Variants in MAGI2 observed in about 807,000 individuals in gnomAD.
MAGI2 encodes the protein membrane-associated guanylate kinase, WW and PDZ domain-containing protein 2.
Under a neutral mutation model 133.3 loss-of-function variants are expected in MAGI2, and 35 were observed. The observed-to-expected ratio is 0.26, with a 90% CI of 0.20 to 0.35. The LOEUF (loss-of-function observed/expected upper bound fraction) is 0.35, where lower values mean the gene tolerates loss of function less well. Ranked by LOEUF, MAGI2 falls within the 10% of genes least tolerant of loss-of-function variation. The pLI, the probability that MAGI2 is intolerant of heterozygous loss-of-function variation, is 1.00. For missense variants in MAGI2, 1,636 were observed against 1,863.4 expected, an observed-to-expected ratio of 0.88 and a Z score of 2.25; for synonymous variants, 729 against 710.6, an observed-to-expected ratio of 1.03 and a Z score of -0.41.
intron 2 of MAGI2, among the ~76,000 whole-genome samples, chr7:78,678,005 A>C (rs1815239265): frequency 6.6e-6 from 1 of 152,112 alleles, no homozygotes; most frequent in Non-Finnish European, 1.5e-5. Flanking sequence ...AGAAAGGGGC[A>C]AAGGAAAAAT....
intron 1 of MAGI2, among the ~76,000 whole-genome samples, chr7:79,429,705 G>T (rs1192288263): frequency 6.6e-6 from 1 of 151,980 alleles, no homozygotes; most frequent in African/African-American, 2.4e-5. Flanking sequence ...TTAGAAGGAA[G>T]CAAAAAAGGT....
chr7:79,136,015 A>AAGAAAGAAAG (rs1562928891), intron 1 of MAGI2, among the ~76,000 whole-genome samples: 6 of 126,326 alleles, frequency 4.7e-5, no homozygotes, highest in African/African-American at 2.2e-4. Flanking sequence ...GAAAGAAAGA[A>AAGAAAGAAAG]AGAAAGAAAG....
chr7:78,517,487 T>C (rs1796140179), intron 4 of MAGI2, among the ~76,000 whole-genome samples: 1 of 152,196 alleles, frequency 6.6e-6, no homozygotes, highest in African/African-American at 2.4e-5. Context: ...TTTACTTTAG[T>C]TAAGGACTTT....
intron 9 of MAGI2, among the ~76,000 whole-genome samples, chr7:78,277,978 A>G (rs1176708712): frequency 6.6e-6 from 1 of 152,202 alleles, no homozygotes; most frequent in Non-Finnish European, 1.5e-5. Context: ...AATGTGATCC[A>G]AGATCAGAGT....
intron 1 of MAGI2, among the ~76,000 whole-genome samples, chr7:79,276,988 A>G: frequency 1.3e-5 from 2 of 151,872 alleles, no homozygotes; most frequent in Middle Eastern, 3.4e-3. Flanking sequence ...TAATATTAAT[A>G]AAATATATAA....
At chr7:78,898,636 C>G (rs556077224) in intron 2 of MAGI2, among the ~76,000 whole-genome samples, 98 of 152,156 alleles carry the variant, frequency 6.4e-4, no homozygotes, top group African/African-American at 2.3e-3. Flanking sequence ...GGGAACAACA[C>G]ACACTAGGGC....
At chr7:78,071,669 A>C (rs73362635) in intron 21 of MAGI2, among the ~76,000 whole-genome samples, 2,375 of 152,300 alleles carry the variant, frequency 0.016, 44 homozygotes, top group African/African-American at 0.054. Context: ...CCTTTCAGCT[A>C]GGAAGAACCC....
chr7:78,881,137 C>T (rs1026852314), intron 2 of MAGI2, among the ~76,000 whole-genome samples: 11 of 151,988 alleles, frequency 7.2e-5, no homozygotes, highest in Admixed American at 6.6e-4. Flanking sequence ...ATTTCAATAC[C>T]CCATTGATAG....
intron 5 of MAGI2, among the ~76,000 whole-genome samples, chr7:78,490,536 A>G (rs888807072): frequency 2.0e-5 from 3 of 152,130 alleles, no homozygotes; most frequent in African/African-American, 7.2e-5. Context: ...TTTAAAAAGT[A>G]AAGGAGAGAT....
chr7:78,435,491 G>A (rs537843321), intron 6 of MAGI2, among the ~76,000 whole-genome samples: 2 of 152,148 alleles, frequency 1.3e-5, no homozygotes, highest in East Asian at 3.9e-4. Flanking sequence ...GTCATCTCCA[G>A]CTGAGCCTAC....
At chr7:79,353,976 T>C (rs1426611999) in intron 1 of MAGI2, 3 of 153,942 alleles carry the variant, frequency 1.9e-5, no homozygotes, top group Admixed American at 6.5e-5. Context: ...GCTGGGTCAA[T>C]GCTGGCAGGC....
intron 3 of MAGI2, among the ~76,000 whole-genome samples, chr7:78,597,374 TG>T (rs60023774): frequency 0.54 from 77,149 of 142,306 alleles, 20,664 homozygotes; most frequent in Non-Finnish European, 0.56. Context: ...ATGAATTCCT[TG>T]GGGGGGGGGG....
intron 1 of MAGI2, among the ~76,000 whole-genome samples, chr7:79,020,014 T>A (rs1383347973): frequency 6.6e-6 from 1 of 152,200 alleles, no homozygotes; most frequent in East Asian, 1.9e-4. Context: ...GACATAAAGA[T>A]GTGCGAAAGT....
chr7:78,668,603 T>C (rs2151064750), intron 2 of MAGI2, among the ~76,000 whole-genome samples: 1 of 152,064 alleles, frequency 6.6e-6, no homozygotes, highest in South Asian at 2.1e-4. Flanking sequence ...GTTTCAGCTT[T>C]CTACATATGG....
chr7:78,334,736 C>T (rs576338522), intron 9 of MAGI2, among the ~76,000 whole-genome samples: 6 of 152,076 alleles, frequency 3.9e-5, no homozygotes, highest in South Asian at 2.1e-4. Flanking sequence ...GCATATGATG[C>T]GGATTCTGAC....
chr7:78,363,570 C>T (rs1793075235), intron 7 of MAGI2, among the ~76,000 whole-genome samples: 1 of 149,514 alleles, frequency 6.7e-6, no homozygotes, highest in Non-Finnish European at 1.5e-5. Context: ...TTGTGGCATA[C>T]TCTGGCCATG....
intron 1 of MAGI2, among the ~76,000 whole-genome samples, chr7:79,445,547 C>G (rs1386400946): frequency 2.0e-5 from 3 of 152,084 alleles, no homozygotes; most frequent in Non-Finnish European, 4.4e-5. Context: ...TTTATGAAAC[C>G]AAAAGACACA....
At chr7:79,443,288 G>GTGTGTGTGCA (rs1563229255) in intron 1 of MAGI2, among the ~76,000 whole-genome samples, 2 of 101,686 alleles carry the variant, frequency 2.0e-5, no homozygotes, top group African/African-American at 3.1e-5. Context: ...GTGTGTGCGT[G>GTGTGTGTGCA]TGTGTGTGTG....
At chr7:79,266,461 C>T (rs1012641309) in intron 1 of MAGI2, among the ~76,000 whole-genome samples, 1 of 151,990 alleles carries the variant, frequency 6.6e-6, no homozygotes, top group Non-Finnish European at 1.5e-5. Flanking sequence ...GATTACTGAG[C>T]AGTTAAATGA....
Sources: gnomAD v4.1 joint callset for allele counts (sites outside exome capture counted in the v4.1 genomes callset) on GRCh38, gnomAD v4.1.1 for gene constraint, MANE v1.5 for transcripts, NCBI Gene and HGNC (gene_info 2026-07-23, HGNC 2026-07-21) for gene names.